Variants in NR4A2 observed in about 807,000 individuals in gnomAD.
The protein encoded by NR4A2 is NGFI-B/nur77 beta-type transcription factor homolog.
A neutral mutation model predicts 50.5 loss-of-function variants in NR4A2; 1 was observed. The ratio of observed to expected loss-of-function variants is 0.02; its 90% confidence interval spans 0.01 to 0.09. The LOEUF (loss-of-function observed/expected upper bound fraction) is 0.09. Ranked by LOEUF, NR4A2 falls within the 10% of genes least tolerant of loss-of-function variation. The probability of loss-of-function intolerance (pLI) is 1.00; values close to 1 mark genes in which losing one functional copy is unlikely to be tolerated. For synonymous variants in NR4A2, 328 were observed against 309.4 expected (o/e 1.06, Z -0.63); for missense variants, 613 against 777.3 (o/e 0.79, Z 2.51).
At chr2:156,327,064 G>T in intron 5 of NR4A2, 144 bp from the exon 6 acceptor site, 1 of 782,866 alleles carries the variant, frequency 1.3e-6, no homozygotes, top group South Asian at 1.5e-5. Flanking sequence ...AGATGTTCCG[G>T]GGCAATTAAT....
In NR4A2 at chr2:156,328,948, C is replaced by G. The variant is rs1418541747; in HGVS notation, c.864+375G>C. ...TAATTTGACCATAGGGAATTCTGTT[C>G]CACTTGGTTAGCTCAGACACGGTTC... is the stretch of plus-strand genomic sequence containing the variant. On this transcript the variant is annotated intron_variant, in intron 3 of 7. Transcript: ENST00000339562. This position sits in a 1 kb window ranked among gnomAD's most constrained non-coding sequence, Gnocchi z 4.9. Among the ~76,000 whole-genome samples, 1 of 152,202 alleles carries G rather than the reference C, an allele frequency of 6.6e-6. No homozygotes were observed. Among genetic ancestry groups the G allele is most frequent in the Non-Finnish European group, 1.5e-5 (1 of 68,034 alleles).
Position 156,326,711 on chromosome 2 carries a change from T to C in NR4A2, c.1361+7A>G. The C allele has an allele frequency of 9.3e-6, 15 of 1,613,748 alleles. No homozygotes were observed. The highest frequency in any genetic ancestry group is 1.3e-5 in the Non-Finnish European group (15 of 1,179,728). Reference sequence around the variant, plus strand: ...TCCCTGGATTGTCTCCCTCCCTCCCTTATTACCTGTATGCTAATCGAAGGA... The same window carrying C: ...TCCCTGGATTGTCTCCCTCCCTCCCCTATTACCTGTATGCTAATCGAAGGA... On this transcript the variant is annotated splice_region_variant and intron_variant, in intron 6 of 7. Transcript: ENST00000339562. This position sits in a 1 kb window ranked among gnomAD's most constrained non-coding sequence, Gnocchi z 4.2.
chr2:156,329,832 A>G lies in NR4A2; in HGVS notation c.355T>C (p.Ser119Pro). The change falls in exon 3 of 8, where the codon TCG (serine) becomes CCG (proline). Residue 119 changes from serine (S) to proline (P), a missense_variant. By Grantham distance (74) the Ser-to-Pro change is moderately conservative. Transcript: ENST00000339562. This position sits in a 1 kb window ranked among gnomAD's most constrained non-coding sequence, Gnocchi z 7.5. ...GGCGAGGAGGGCTTGTAGTAAACCGACCCGGAGTGCGGCATCATCTCCTCA... is the reference window on the plus strand; with the variant it reads ...GGCGAGGAGGGCTTGTAGTAAACCGGCCCGGAGTGCGGCATCATCTCCTCA... ...QSEEMMPHSG[S>P]VYYKPSSPPT... 7 of 1,613,872 alleles carry G rather than the reference A, an allele frequency of 4.3e-6. No homozygotes were observed. Among genetic ancestry groups the G allele is most frequent in the Non-Finnish European group, 5.9e-6 (7 of 1,179,980 alleles).
At chr2:156,330,281 G>A (rs1031579553) in intron 2 of NR4A2, 93 bp from the exon 3 acceptor site, 36 of 1,491,388 alleles carry the variant, frequency 2.4e-5, no homozygotes, top group Non-Finnish European at 3.1e-5. Flanking sequence ...CCGGCAGCCC[G>A]CGGCAGTCAG....
Position 156,329,907 on chromosome 2 carries a change from C to A in NR4A2, c.280G>T (p.Asp94Tyr). 1 of 1,614,142 alleles carries A rather than the reference C, an allele frequency of 6.2e-7. No homozygotes were observed. The highest frequency in any genetic ancestry group is 8.5e-7 in the Non-Finnish European group (1 of 1,180,020). Residue 94 changes from aspartate to tyrosine, a missense_variant, in exon 3 of 8, where the codon GAC (aspartate) becomes TAC (tyrosine). This residue lies in a region of NR4A2 where 275 missense variants were observed against 248.9 expected (regional missense o/e 1.10). Transcript: ENST00000339562. This position sits in a 1 kb window ranked among gnomAD's most constrained non-coding sequence, Gnocchi z 7.5. ...SGQQSSIKVE[D>Y]IQMHNYQQHS... ...TGCTGGTAGTTGTGCATCTGAATGTCTTCTACCTTAATGGAGGACTGCTGT... is the reference window on the plus strand; with the variant it reads ...TGCTGGTAGTTGTGCATCTGAATGTATTCTACCTTAATGGAGGACTGCTGT...
chr2:156,329,997 T>C lies in NR4A2; in HGVS notation c.190A>G (p.Met64Val). Residue 64 changes from methionine (M) to valine (V), a missense_variant, in exon 3 of 8, where the codon ATG (methionine) becomes GTG (valine). This residue lies in a region of NR4A2 where 61 missense variants were observed against 96.4 expected (regional missense o/e 0.63). Coordinates refer to ENST00000339562, the MANE Select transcript of NR4A2 (RefSeq NM_006186.4). This position sits in a 1 kb window ranked among gnomAD's most constrained non-coding sequence, Gnocchi z 7.5. ...TTSLPSFSTF[M>V]DNYSTGYDVK... ...TCGTAGCCTGTGCTGTAGTTGTCCA[T>C]AAAGGTACTGAAGCTGGGGAGAGAA... is the stretch of plus-strand genomic sequence containing the variant. 2 of 1,614,164 alleles carry C rather than the reference T, an allele frequency of 1.2e-6. No individual in the cohort carries two copies. The highest frequency in any genetic ancestry group is 1.7e-6 in the Non-Finnish European group (2 of 1,180,038).
intron 2 of NR4A2, 96 bp from the exon 3 acceptor site, chr2:156,330,284 G>A: frequency 2.0e-6 from 3 of 1,471,592 alleles, no homozygotes; most frequent in Non-Finnish European, 2.8e-6. Flanking sequence ...GCAGCCCGCG[G>A]CAGTCAGAGA....
chr2:156,330,972 C>G (rs750888805), intron 1 of NR4A2, among the ~76,000 whole-genome samples, 181 bp from the exon 2 acceptor site: 1 of 152,188 alleles, frequency 6.6e-6, no homozygotes, highest in Admixed American at 6.5e-5. Context: ...CTTGAAACAA[C>G]AGAAAATACC....
Position 156,325,800 on chromosome 2 carries a change from A to G in NR4A2, c.1741T>C (p.Leu581=), listed in dbSNP as rs1277022330. The change falls in exon 8 of 8, where the codon TTG becomes CTG. Residue 581 remains leucine, a synonymous_variant. Coordinates refer to ENST00000339562, the MANE Select transcript of NR4A2 (RefSeq NM_006186.4). ...QRIFYLKLED[L]VPPPAIIDKL... The stretch of plus-strand genomic sequence containing the variant: ...TCAATTATTGCTGGCGGTGGCACCA[A>G]GTCTTCCAATTTCAGGTAGAAAATG... 1 of 1,614,178 alleles carries G rather than the reference A, an allele frequency of 6.2e-7. No individual in the cohort carries two copies. Among genetic ancestry groups the G allele is most frequent in the Admixed American group, 1.7e-5 (1 of 60,026 alleles).
At chr2:156,327,298 C>A (rs1272177710) in intron 5 of NR4A2, among the ~76,000 whole-genome samples, 1 of 152,156 alleles carries the variant, frequency 6.6e-6, no homozygotes, top group Admixed American at 6.5e-5. Context: ...GCTCAACATA[C>A]TTCCTCCAAT....
chr2:156,330,861 A>C, intron 1 of NR4A2, 70 bp from the exon 2 acceptor site: 32 of 1,222,940 alleles, frequency 2.6e-5, no homozygotes, highest in Non-Finnish European at 3.0e-5. Context: ...ATGTAGACTC[A>C]CCAGGCAGGC....
chr2:156,328,166 T>A lies in NR4A2; in HGVS notation c.995-152A>T. ...TAAAGCCTTCACTGACTAGAAGCAT[T>A]AAAAAATGCGGGGTTATTTTATGTC... is the stretch of plus-strand genomic sequence containing the variant. On this transcript the variant is annotated intron_variant, in intron 4 of 7. Transcript: ENST00000339562. This position sits in a 1 kb window ranked among gnomAD's most constrained non-coding sequence, Gnocchi z 4.9. 1 of 1,164,012 alleles carries A rather than the reference T, an allele frequency of 8.6e-7. No homozygotes were observed. Among genetic ancestry groups the A allele is most frequent in the Non-Finnish European group, 1.2e-6 (1 of 810,122 alleles). 72.1% of individuals were successfully genotyped at this position (1,164,012 alleles called of 1,614,324 possible).
In NR4A2 at chr2:156,329,502, A is replaced by T; in HGVS notation, c.685T>A (p.Ser229Thr). Residue 229 changes from serine (S) to threonine (T), a missense_variant, in exon 3 of 8, where the codon TCC becomes ACC. Transcript: ENST00000339562. This position sits in a 1 kb window ranked among gnomAD's most constrained non-coding sequence, Gnocchi z 7.5. ...AVPNPIRKPA[S>T]MGFPGLQIGH... ...ATCTGCAGGCCCGGGAAGCCCATGG[A>T]CGCGGGCTTGCGAATGGGGTTGGGC... The T allele has an allele frequency of 6.2e-7, 1 of 1,605,400 alleles. No individual in the cohort carries two copies. Among genetic ancestry groups the T allele is most frequent in the Non-Finnish European group, 8.5e-7 (1 of 1,176,478 alleles).
Position 156,328,029 on chromosome 2 carries a change from C to T in NR4A2, c.995-15G>A. On this transcript the variant is annotated splice_polypyrimidine_tract_variant and intron_variant, in intron 4 of 7. Coordinates refer to ENST00000339562, the MANE Select transcript of NR4A2 (RefSeq NM_006186.4). This position sits in a 1 kb window ranked among gnomAD's most constrained non-coding sequence, Gnocchi z 4.9. ...TGTGCGAACCACTGCAAAGGAAGAG[C>T]CCTGTTAGCGCCGCTTTTCCGAGCC... is the stretch of plus-strand genomic sequence containing the variant. 2 of 1,601,154 alleles carry T rather than the reference C, an allele frequency of 1.2e-6. No individual in the cohort carries two copies. Among genetic ancestry groups the T allele is most frequent in the Non-Finnish European group, 1.7e-6 (2 of 1,173,156 alleles).
intron 1 of NR4A2, among the ~76,000 whole-genome samples, chr2:156,332,195 C>T (rs907092519): frequency 6.6e-6 from 1 of 152,206 alleles, no homozygotes; most frequent in African/African-American, 2.4e-5. Context: ...TTTCCGCGGG[C>T]TAGTCCTCAG....
rs934204568 is a variant in NR4A2 at position 156,328,033 on chromosome 2, G to A, written c.995-19C>T. On this transcript the variant is annotated intron_variant, in intron 4 of 7. Coordinates refer to ENST00000339562, the MANE Select transcript of NR4A2 (RefSeq NM_006186.4). This position sits in a 1 kb window ranked among gnomAD's most constrained non-coding sequence, Gnocchi z 4.9. ...CGAACCACTGCAAAGGAAGAGCCCT[G>A]TTAGCGCCGCTTTTCCGAGCCCAGG... The A allele has an allele frequency of 6.3e-7, 1 of 1,599,776 alleles. No individual in the cohort carries two copies. The highest frequency in any genetic ancestry group is 8.5e-7 in the Non-Finnish European group (1 of 1,172,384).
At position 156,329,353 on chromosome 2, in the gene NR4A2, G is replaced by T. The variant is rs770350759; in HGVS notation, c.834C>A (p.Arg278=). The T allele has an allele frequency of 1.4e-5, 22 of 1,612,512 alleles. No homozygotes were observed. The African/African-American group carries it at 2.5e-4, about 19-fold the overall frequency. Residue 278 remains arginine, a synonymous_variant, in exon 3 of 8, where the codon CGC becomes CGA. Transcript: ENST00000339562. This position sits in a 1 kb window ranked among gnomAD's most constrained non-coding sequence, Gnocchi z 7.5. The stretch of plus-strand genomic sequence containing the variant: ...AGAAGCCTTTGCAGCCCTCACAGGT[G>T]CGCACGCCGTAGTGTTGGCAGGCCG... ...DNAACQHYGV[R]TCEGCKGFFK...
Position 156,330,154 on chromosome 2 carries a change from C to G in NR4A2, c.33G>C (p.Ser11=). Residue 11 remains serine, a synonymous_variant, in exon 3 of 8, where the codon TCG becomes TCC. Transcript: ENST00000339562. MPCVQAQYGS[S]PQGASPASQS... is the part of the protein sequence containing the mutation. ...GAGAAGCGGGGCTGGCTCCTTGAGGCGAGGACCCATACTGCGCCTGAACAC... is the reference window on the plus strand; with the variant it reads ...GAGAAGCGGGGCTGGCTCCTTGAGGGGAGGACCCATACTGCGCCTGAACAC... 6.2e-7 allele frequency: 1 copy of G among 1,614,118 alleles called. No individual in the cohort carries two copies. The highest frequency in any genetic ancestry group is 8.5e-7 in the Non-Finnish European group (1 of 1,180,008).
At position 156,326,438 on chromosome 2, in the gene NR4A2, G is replaced by T; in HGVS notation, c.1362-110C>A. ...GGGATTTAAGAGTCACCTAATTACT[G>T]AAGAGTTAATAAAATGTAGACCAGT... is the stretch of plus-strand genomic sequence containing the variant. On this transcript the variant is annotated intron_variant, in intron 6 of 7. Coordinates refer to ENST00000339562, the MANE Select transcript of NR4A2 (RefSeq NM_006186.4). The surrounding 1 kb of genome is among the most constrained non-coding windows in gnomAD (Gnocchi z 4.2). The T allele has an allele frequency of 9.3e-7, 1 of 1,073,264 alleles. No individual in the cohort carries two copies. The allele number at this position is 1,073,264 out of a possible 1,614,324, so 66.5% of individuals were successfully genotyped here.
Sources: allele counts gnomAD v4.1 joint callset (sites outside exome capture counted in the v4.1 genomes callset), GRCh38; gene constraint gnomAD v4.1.1; regional missense constraint gnomAD v4.1.1; non-coding constraint Gnocchi (gnomAD v3.1); transcripts MANE v1.5; gene names NCBI Gene and HGNC (gene_info 2026-07-23, HGNC 2026-07-21).